PLEKHH1: variants seen among roughly 807,000 people sequenced by gnomAD.
PLEKHH1 encodes the protein pleckstrin homology, MyTH4 and FERM domain containing H1, also known as pleckstrin homology domain-containing family H member 1.
Under a neutral mutation model 160.0 loss-of-function variants are expected in PLEKHH1, and 104 were observed. The ratio of observed to expected loss-of-function variants is 0.65; its 90% CI spans 0.55 to 0.76. The LOEUF (loss-of-function observed/expected upper bound fraction) is 0.76. Among genes scored for constraint, PLEKHH1 ranks in the 30% least tolerant of loss-of-function variants. The pLI, the probability that PLEKHH1 is intolerant of heterozygous loss-of-function variation, is 0.00. For synonymous variants in PLEKHH1, 619 were observed against 678.4 expected, an observed-to-expected ratio of 0.91 and a Z score of 1.36; for missense variants, 1,427 against 1,724.1, an observed-to-expected ratio of 0.83 and a Z score of 3.05.
intron 3 of PLEKHH1, 45 bp downstream of exon 3, chr14:67,555,932 G>A (rs368188442): frequency 3.1e-5 from 49 of 1,600,918 alleles, no homozygotes; most frequent in African/African-American, 2.7e-4. Flanking sequence ...GGGAATGACC[G>A]TCGGCCCTTC....
Position 67,562,094 on chromosome 14 carries a change from G to A in PLEKHH1, c.506-43G>A, listed in dbSNP as rs763049910. On this transcript the variant is annotated intron_variant, in intron 6 of 28. Transcript: ENST00000329153. ...GTGTGTTTGGTGGGTATGGGGCTGA[G>A]CTACGGGAGCTCTCAATGTGACTGT... 7 of 1,601,220 alleles carry A rather than the reference G, an allele frequency of 4.4e-6. 1 individual carries two copies. The highest frequency in any genetic ancestry group is 4.5e-5 in the East Asian group (2 of 44,674).
rs531213905 is a variant in PLEKHH1 at position 67,541,704 on chromosome 14, C to T, written c.-34-130C>T. On this transcript the variant is annotated intron_variant, in intron 1 of 28. Transcript: ENST00000329153. ...GCCCTGGGGATCAGTGACCAATTCT[C>T]TTCCCCAGCCCTGTTTTCTCTTCCC... 3.6e-4 allele frequency: 214 copies of T among 588,352 alleles called. No individual in the cohort carries two copies. The African/African-American group carries it at 3.8e-3, about 10-fold the overall frequency. 36.4% of individuals were successfully genotyped at this position (588,352 alleles called of 1,614,324 possible). A position where few individuals can be genotyped will look rare whatever the true frequency, so the allele number is the denominator to read the frequency against.
At chr14:67,580,052 A>C in intron 22 of PLEKHH1, 176 bp downstream of exon 22, 2 of 609,234 alleles carry the variant, frequency 3.3e-6, no homozygotes, top group Non-Finnish European at 5.7e-6. Context: ...GCAGGGAGAA[A>C]AAAGCTGTTG....
chr14:67,583,704 A>T, intron 24 of PLEKHH1, 37 bp from the exon 25 acceptor site: 2 of 1,570,758 alleles, frequency 1.3e-6, no homozygotes, highest in Non-Finnish European at 1.7e-6. Context: ...ATCCACTGTC[A>T]GATTTTGACT....
chr14:67,548,187 G>A (rs2034253969), intron 2 of PLEKHH1, among the ~76,000 whole-genome samples: 1 of 152,122 alleles, frequency 6.6e-6, no homozygotes, highest in Admixed American at 6.5e-5. Context: ...CACATAAATG[G>A]ATATTAAAAT....
In PLEKHH1 at chr14:67,573,914, T is replaced by G. The variant is rs370184110; in HGVS notation, c.1926+27T>G. On this transcript the variant is annotated intron_variant, in intron 13 of 28. Coordinates refer to ENST00000329153, the MANE Select transcript of PLEKHH1 (RefSeq NM_020715.3). This position sits in a 1 kb window ranked among gnomAD's most constrained non-coding sequence, Gnocchi z 4.8. Reference sequence around the variant, plus strand: ...TGAGCACGCTCCTGGCTGCTAGTATTTTAAACAGAAGAGGTGCTGGGTTTG... The same window carrying G: ...TGAGCACGCTCCTGGCTGCTAGTATGTTAAACAGAAGAGGTGCTGGGTTTG... 2.8e-5 allele frequency: 43 copies of G among 1,545,332 alleles called. No homozygotes were observed. In the African/African-American group the frequency reaches 5.3e-4, roughly 19 times the overall value.
chr14:67,572,106 C>A, intron 10 of PLEKHH1, 29 bp from the exon 11 acceptor site: 1 of 1,592,966 alleles, frequency 6.3e-7, no homozygotes, highest in East Asian at 2.3e-5. Context: ...GTGTGGGACC[C>A]GGGCCTTGAC....
Position 67,578,263 on chromosome 14 carries a change from G to A in PLEKHH1, c.2751+64G>A, listed in dbSNP as rs2035719999. Reference sequence around the variant, plus strand: ...TGGCAAGGGCTGCCAGGTGGGAAAGGTGGGAGGAGGTGACTGGGCAGGTAT... The same window carrying A: ...TGGCAAGGGCTGCCAGGTGGGAAAGATGGGAGGAGGTGACTGGGCAGGTAT... On this transcript the variant is annotated intron_variant, in intron 19 of 28. Transcript: ENST00000329153. The surrounding 1 kb of genome is among the most constrained non-coding windows in gnomAD (Gnocchi z 5.0). The A allele has an allele frequency of 7.0e-7, 1 of 1,431,790 alleles. No individual in the cohort carries two copies. Among genetic ancestry groups the A allele is most frequent in the South Asian group, 1.2e-5 (1 of 82,908 alleles). The allele number at this position is 1,431,790 out of a possible 1,614,324, so 88.7% of individuals were successfully genotyped here.
Position 67,578,688 on chromosome 14 carries a change from T to G in PLEKHH1, c.2849+57T>G. 9.0e-7 allele frequency: 1 copy of G among 1,116,814 alleles called. No individual in the cohort carries two copies. The highest frequency in any genetic ancestry group is 1.3e-6 in the Non-Finnish European group (1 of 749,042). The allele number at this position is 1,116,814 out of a possible 1,614,324, so 69.2% of individuals were successfully genotyped here. ...TGAGCACTGCCAACTGCCGCATGAATAAGAGGGATGAGAGGAGTCTAGGGC... is the reference window on the plus strand; with the variant it reads ...TGAGCACTGCCAACTGCCGCATGAAGAAGAGGGATGAGAGGAGTCTAGGGC... On this transcript the variant is annotated intron_variant, in intron 20 of 28. Coordinates refer to ENST00000329153, the MANE Select transcript of PLEKHH1 (RefSeq NM_020715.3). This position sits in a 1 kb window ranked among gnomAD's most constrained non-coding sequence, Gnocchi z 5.0.
intron 23 of PLEKHH1, among the ~76,000 whole-genome samples, chr14:67,581,427 G>C (rs1003414571): frequency 2.0e-5 from 3 of 152,100 alleles, no homozygotes; most frequent in Non-Finnish European, 4.4e-5. Flanking sequence ...CAGGGGGGCT[G>C]AGGTGGGAGG....
At chr14:67,580,686 C>A (rs1418171027) in intron 22 of PLEKHH1, among the ~76,000 whole-genome samples, 1 of 152,218 alleles carries the variant, frequency 6.6e-6, no homozygotes, top group Non-Finnish European at 1.5e-5. Flanking sequence ...TGGGGAGGCC[C>A]CTCAGCTGGT....
chr14:67,585,900 T>A lies in PLEKHH1; in HGVS notation c.3787-51T>A. On this transcript the variant is annotated intron_variant, in intron 27 of 28. Transcript: ENST00000329153. ...GAGACAGGGGATGCTGGTTCCTAGC[T>A]CAGGGGACAGGTGGAAAGTTTCCCC... The A allele has an allele frequency of 2.5e-6, 4 of 1,569,742 alleles. No homozygotes were observed. In the South Asian group the frequency reaches 4.8e-5, roughly 19 times the overall value.
chr14:67,555,732 G>A, intron 2 of PLEKHH1, 93 bp from the exon 3 acceptor site: 1 of 1,545,448 alleles, frequency 6.5e-7, no homozygotes, highest in Non-Finnish European at 8.8e-7. Flanking sequence ...TGGCCTGTGT[G>A]CAGTGTGTGC....
chr14:67,581,521 G>A, intron 23 of PLEKHH1: 1 of 165,776 alleles, frequency 6.0e-6, no homozygotes, highest in African/African-American at 2.4e-5. Context: ...GTGAGACCCT[G>A]CCTCAAAAAA....
chr14:67,553,963 C>G (rs1419001173), intron 2 of PLEKHH1, among the ~76,000 whole-genome samples: 1 of 152,176 alleles, frequency 6.6e-6, no homozygotes, highest in Non-Finnish European at 1.5e-5. Flanking sequence ...GAATGCCTGT[C>G]AGAGGGGGCC....
chr14:67,556,113 A>G (rs756965941), intron 3 of PLEKHH1, among the ~76,000 whole-genome samples: 1 of 152,206 alleles, frequency 6.6e-6, no homozygotes, highest in Non-Finnish European at 1.5e-5. Flanking sequence ...TGTGGTAACA[A>G]ATTAAGTCTG....
At chr14:67,534,802 C>A (rs2033635982) in intron 1 of PLEKHH1, among the ~76,000 whole-genome samples, 1 of 152,082 alleles carries the variant, frequency 6.6e-6, no homozygotes, top group Admixed American at 6.5e-5. Context: ...AAAAAAAAAT[C>A]CAAAGAAATG....
At chr14:67,556,205 T>C (rs1250068274) in intron 3 of PLEKHH1, among the ~76,000 whole-genome samples, 2 of 152,220 alleles carry the variant, frequency 1.3e-5, no homozygotes, top group Admixed American at 6.5e-5. Context: ...GCTTCCACAG[T>C]CACTCAGGAA....
At chr14:67,570,143 G>C in intron 9 of PLEKHH1, 131 bp downstream of exon 9, 1 of 716,620 alleles carries the variant, frequency 1.4e-6, no homozygotes, top group Non-Finnish European at 2.3e-6. Flanking sequence ...GCTGAGCCCA[G>C]CACGTGTCAT....
Sources: gnomAD v4.1 joint callset for allele counts (sites outside exome capture counted in the v4.1 genomes callset) on GRCh38, gnomAD v4.1.1 for gene constraint, Gnocchi (gnomAD v3.1) non-coding constraint, MANE v1.5 for transcripts, NCBI Gene and HGNC (gene_info 2026-07-23, HGNC 2026-07-21) for gene names.